Variants in ENTREP2 observed in about 807,000 individuals in gnomAD.
ENTREP2 encodes the protein endosomal transmembrane epsin interactor 2.
chr15:29,129,806 C>T, the ENTREP2 span, among the ~76,000 whole-genome samples: 21 of 152,242 alleles, frequency 1.4e-4, no homozygotes, highest in African/African-American at 3.1e-4. Context: ...CTCCCGGATG[C>T]GATGTTTGGA....
chr15:29,398,260 T>C, the ENTREP2 span, among the ~76,000 whole-genome samples: 1 of 151,406 alleles, frequency 6.6e-6, no homozygotes, highest in Non-Finnish European at 1.5e-5. Flanking sequence ...AATAAAAGGT[T>C]AGAAAACAGA....
the ENTREP2 span, among the ~76,000 whole-genome samples, chr15:29,495,228 G>A: frequency 6.6e-6 from 1 of 152,180 alleles, no homozygotes; most frequent in Non-Finnish European, 1.5e-5. Flanking sequence ...TTTGAGAATA[G>A]CCATTCTAAC....
chr15:29,170,000 G>A, the ENTREP2 span, among the ~76,000 whole-genome samples: 1 of 152,096 alleles, frequency 6.6e-6, no homozygotes, highest in African/African-American at 2.4e-5. Context: ...GTTGTGCAAT[G>A]TTGCTGCATA....
the ENTREP2 span, among the ~76,000 whole-genome samples, chr15:29,423,020 T>C: frequency 2.0e-5 from 3 of 152,170 alleles, no homozygotes; most frequent in South Asian, 6.2e-4. Context: ...AAAGAACACA[T>C]ATAAAAATGG....
At chr15:29,588,822 A>G in the ENTREP2 span, among the ~76,000 whole-genome samples, 1 of 151,882 alleles carries the variant, frequency 6.6e-6, no homozygotes, top group Non-Finnish European at 1.5e-5. Context: ...CCCTGTCTCT[A>G]CAAAAAATAC....
chr15:29,360,203 C>A, the ENTREP2 span, among the ~76,000 whole-genome samples: 1 of 152,208 alleles, frequency 6.6e-6, no homozygotes, highest in African/African-American at 2.4e-5. Context: ...ATAATTTTTT[C>A]TAACGCTATA....
At chr15:29,123,069 C>G in the ENTREP2 span, 1 of 439,750 alleles carries the variant, frequency 2.3e-6, no homozygotes, top group East Asian at 3.5e-5. Flanking sequence ...CCAGATAAAA[C>G]CAGAGAGTTC....
chr15:29,214,174 C>A, the ENTREP2 span, among the ~76,000 whole-genome samples: 5 of 152,178 alleles, frequency 3.3e-5, no homozygotes, highest in East Asian at 1.9e-4. Context: ...TTTGACCCAG[C>A]CATCCCATTA....
chr15:29,259,942 T>C, the ENTREP2 span, among the ~76,000 whole-genome samples: 2 of 152,230 alleles, frequency 1.3e-5, no homozygotes, highest in Non-Finnish European at 2.9e-5. Context: ...TAACAGTTTA[T>C]TACTCATTAA....
At chr15:29,288,381 C>T in the ENTREP2 span, among the ~76,000 whole-genome samples, 1 of 152,186 alleles carries the variant, frequency 6.6e-6, no homozygotes, top group African/African-American at 2.4e-5. Context: ...GCTCCTGCTC[C>T]TGTTTCCCCA....
the ENTREP2 span, among the ~76,000 whole-genome samples, chr15:29,313,015 G>A: frequency 2.0e-5 from 3 of 152,170 alleles, no homozygotes; most frequent in South Asian, 2.1e-4. Flanking sequence ...CAGCCTTATC[G>A]CTGATTTGGA....
At chr15:29,419,287 T>C in the ENTREP2 span, among the ~76,000 whole-genome samples, 4 of 152,142 alleles carry the variant, frequency 2.6e-5, no homozygotes, top group African/African-American at 7.2e-5. Context: ...TAACTATAAT[T>C]GGTAAAAATT....
chr15:29,435,273 G>T, the ENTREP2 span, among the ~76,000 whole-genome samples: 1 of 152,104 alleles, frequency 6.6e-6, no homozygotes, highest in Non-Finnish European at 1.5e-5. Flanking sequence ...CTCCCCACTG[G>T]CTCCGGGGTG....
the ENTREP2 span, among the ~76,000 whole-genome samples, chr15:29,164,904 C>G: frequency 6.6e-6 from 1 of 152,126 alleles, no homozygotes; most frequent in African/African-American, 2.4e-5. Flanking sequence ...GTGGAAATTT[C>G]TCCAAGATAG....
chr15:29,284,861 T>C, the ENTREP2 span, among the ~76,000 whole-genome samples: 5 of 152,178 alleles, frequency 3.3e-5, no homozygotes, highest in African/African-American at 1.2e-4. Flanking sequence ...TCTCGTAATA[T>C]TTATTTTTAA....
chr15:29,646,080 G>T, the ENTREP2 span, among the ~76,000 whole-genome samples: 2 of 152,166 alleles, frequency 1.3e-5, no homozygotes, highest in African/African-American at 4.8e-5. Flanking sequence ...AGCTCTTGCT[G>T]GCATAATTCC....
chr15:29,396,357 T>C, the ENTREP2 span, among the ~76,000 whole-genome samples: 2 of 152,044 alleles, frequency 1.3e-5, no homozygotes, highest in Non-Finnish European at 2.9e-5. Context: ...AGTGAGATTA[T>C]TCAGTATTCA....
chr15:29,527,985 G>A, the ENTREP2 span, among the ~76,000 whole-genome samples: 26 of 152,042 alleles, frequency 1.7e-4, no homozygotes, highest in Middle Eastern at 6.3e-3. Flanking sequence ...AGGCCTCTCT[G>A]CACACATCCG....
the ENTREP2 span, among the ~76,000 whole-genome samples, chr15:29,458,899 C>A: frequency 6.6e-6 from 1 of 152,196 alleles, no homozygotes. Flanking sequence ...CTTTCCCTCA[C>A]ACAAAGGAGA....
Sources: gnomAD v4.1 joint callset for allele counts (sites outside exome capture counted in the v4.1 genomes callset) on GRCh38, gnomAD v4.1.1 for gene constraint, MANE v1.5 for transcripts, NCBI Gene and HGNC (gene_info 2026-07-23, HGNC 2026-07-21) for gene names.